ADGRL2: variants seen among roughly 807,000 people sequenced by gnomAD.
ADGRL2 encodes the protein calcium-independent alpha-latrotoxin receptor 2.
A neutral mutation model predicts 157.4 loss-of-function variants in ADGRL2; 44 were observed. The ratio of observed to expected loss-of-function variants is 0.28; its 90% CI spans 0.22 to 0.36. The LOEUF (loss-of-function observed/expected upper bound fraction) is 0.36, where lower values mean the gene tolerates loss of function less well. Ranked by LOEUF, ADGRL2 falls within the 10% of genes least tolerant of loss-of-function variation. ADGRL2 has a pLI of 1.00. For synonymous variants in ADGRL2, 585 were observed against 624.7 expected (o/e 0.94, Z 0.95); for missense variants, 1,510 against 1,768.9 (o/e 0.85, Z 2.63).
At chr1:81,552,344 C>A (rs149527741) in intron 2 of ADGRL2, among the ~76,000 whole-genome samples, 107 of 152,214 alleles carry the variant, frequency 7.0e-4, no homozygotes, top group African/African-American at 2.5e-3. Flanking sequence ...ATATTTTCAT[C>A]TGGGATCCAT....
At chr1:81,948,070 A>G (rs1168312000) in intron 6 of ADGRL2, among the ~76,000 whole-genome samples, 1 of 152,052 alleles carries the variant, frequency 6.6e-6, no homozygotes, top group Non-Finnish European at 1.5e-5. Flanking sequence ...TACAAAAATT[A>G]GCAGGGTGTG....
intron 3 of ADGRL2, among the ~76,000 whole-genome samples, chr1:81,644,043 G>C (rs2082270138): frequency 6.6e-6 from 1 of 152,112 alleles, no homozygotes; most frequent in Non-Finnish European, 1.5e-5. Flanking sequence ...ATAGATCAAA[G>C]AAACAGAATA....
chr1:81,599,463 T>A (rs2148625796), intron 3 of ADGRL2, among the ~76,000 whole-genome samples: 1 of 152,270 alleles, frequency 6.6e-6, no homozygotes, highest in Middle Eastern at 3.4e-3. Context: ...GTGCCACCTT[T>A]ACCCCACCTA....
chr1:81,322,109 T>TATATATATAC (rs71592379), intron 1 of ADGRL2, among the ~76,000 whole-genome samples: 1,654 of 129,714 alleles, frequency 0.013, 44 homozygotes, highest in African/African-American at 0.041. Context: ...TATATATATA[T>TATATATATAC]ACACATATAT....
At chr1:81,456,026 T>A (rs1009426500) in intron 2 of ADGRL2, among the ~76,000 whole-genome samples, 74 of 152,158 alleles carry the variant, frequency 4.9e-4, no homozygotes, top group African/African-American at 1.7e-3. Context: ...TTAAAATAAG[T>A]TTAATAACCT....
intron 3 of ADGRL2, among the ~76,000 whole-genome samples, chr1:81,684,023 G>A (rs2083178120): frequency 6.6e-6 from 1 of 151,920 alleles, no homozygotes; most frequent in African/African-American, 2.4e-5. Context: ...CACCATGTTG[G>A]TCAGGCTGGT....
intron 1 of ADGRL2, among the ~76,000 whole-genome samples, chr1:81,415,380 C>G (rs767975566): frequency 3.3e-5 from 5 of 152,170 alleles, no homozygotes; most frequent in Non-Finnish European, 7.4e-5. Flanking sequence ...CAATAGTGGC[C>G]TCAGTAGTTA....
chr1:81,334,258 A>G (rs924696139), intron 1 of ADGRL2, among the ~76,000 whole-genome samples: 2 of 152,186 alleles, frequency 1.3e-5, no homozygotes, highest in African/African-American at 2.4e-5. Flanking sequence ...TTCCTCTTCT[A>G]TAAAAACGAT....
In ADGRL2 at chr1:81,969,352, A is replaced by G. The variant is rs147510948; in HGVS notation, c.2698A>G (p.Ile900Val). The change falls in exon 15 of 24, where the codon ATT becomes GTT. Residue 900 changes from isoleucine to valine, a missense_variant. Physicochemically the swap from Ile to Val is conservative, Grantham distance 29. Around this residue, in one of 4 missense-constraint regions of ADGRL2, gnomAD observed 497 missense variants for 627.2 expected, o/e 0.79. Coordinates refer to ENST00000686636, the MANE Select transcript of ADGRL2 (RefSeq NM_001366006.2). ...TATCAACCTTTTCATTGCTGAATTT[A>G]TTTTCCTAATAGGCATTGATAAGAC... Reference protein sequence around the residue: ...LCINLFIAEFIFLIGIDKTKY... With the variant: ...LCINLFIAEFVFLIGIDKTKY... The G allele has an allele frequency of 8.1e-6, 13 of 1,613,872 alleles. No homozygotes were observed. Among genetic ancestry groups the G allele is most frequent in the Non-Finnish European group, 8.5e-6 (10 of 1,179,856 alleles).
chr1:81,596,316 G>A, intron 3 of ADGRL2: 1 of 548,012 alleles, frequency 1.8e-6, no homozygotes, highest in South Asian at 1.4e-5. Context: ...TTTTCTTGTA[G>A]TGATTCTCAA....
At chr1:81,847,606 A>G (rs2092840547) in intron 2 of ADGRL2, among the ~76,000 whole-genome samples, 1 of 151,874 alleles carries the variant, frequency 6.6e-6, no homozygotes, top group Non-Finnish European at 1.5e-5. Context: ...TGGCACTTCT[A>G]ATCCTATTTT....
At chr1:81,383,173 A>G (rs1444438621) in intron 1 of ADGRL2, among the ~76,000 whole-genome samples, 2 of 152,182 alleles carry the variant, frequency 1.3e-5, no homozygotes, top group African/African-American at 4.8e-5. Context: ...GATAAAGGAA[A>G]AGAACTTTTT....
At chr1:81,799,888 TAA>T (rs11338695), upstream of ADGRL2, among the ~76,000 whole-genome samples, 9 of 151,846 alleles carry the variant, frequency 5.9e-5, no homozygotes, top group African/African-American at 1.2e-4. Context: ...AATTTTGCAA[TAA>T]AAAAAAAATC....
intron 2 of ADGRL2, among the ~76,000 whole-genome samples, chr1:81,886,980 A>T (rs549603750): frequency 6.6e-6 from 1 of 152,322 alleles, no homozygotes; most frequent in East Asian, 1.9e-4. Context: ...TCTCTGAAAG[A>T]TGCACTTAGG....
intron 1 of ADGRL2, among the ~76,000 whole-genome samples, chr1:81,400,004 G>C (rs904939872): frequency 6.6e-6 from 1 of 151,458 alleles, no homozygotes; most frequent in East Asian, 2.0e-4. Context: ...TGTAGTGACT[G>C]TTTTTCCAGG....
chr1:81,639,983 C>G (rs548541282), intron 3 of ADGRL2, among the ~76,000 whole-genome samples: 24 of 152,230 alleles, frequency 1.6e-4, no homozygotes, highest in African/African-American at 5.8e-4. Flanking sequence ...TGAGTAGACT[C>G]CTCGTCTGGT....
chr1:81,967,873 T>G (rs1208616642), intron 13 of ADGRL2, among the ~76,000 whole-genome samples, 153 bp from the exon 14 acceptor site: 1 of 152,216 alleles, frequency 6.6e-6, no homozygotes, highest in Non-Finnish European at 1.5e-5. Flanking sequence ...ATATCTGCCT[T>G]GTATAACATA....
At chr1:81,405,195 T>C (rs1439194258) in intron 1 of ADGRL2, among the ~76,000 whole-genome samples, 1 of 152,198 alleles carries the variant, frequency 6.6e-6, no homozygotes, top group Non-Finnish European at 1.5e-5. Flanking sequence ...CAGCATGCTT[T>C]CTTTCACTTT....
chr1:81,332,040 C>T (rs1661303648), intron 1 of ADGRL2, among the ~76,000 whole-genome samples: 1 of 151,982 alleles, frequency 6.6e-6, no homozygotes, highest in Admixed American at 6.6e-5. Flanking sequence ...TCCATGGGCC[C>T]AAGTTGTATT....
Sources: gnomAD v4.1 joint callset for allele counts (sites outside exome capture counted in the v4.1 genomes callset) on GRCh38, gnomAD v4.1.1 for gene constraint, gnomAD v4.1.1 regional missense constraint, MANE v1.5 for transcripts, NCBI Gene and HGNC (gene_info 2026-07-23, HGNC 2026-07-21) for gene names.